The following RASGEF1C variants were observed in gnomAD, a reference collection of about 807,000 sequenced individuals.
The protein encoded by RASGEF1C is ras-GEF domain-containing family member 1C.
In RASGEF1C, 27 loss-of-function variants were observed where a neutral mutation model predicts 58.1. The observed-to-expected ratio is 0.46, with a 90% CI of 0.34 to 0.64. The LOEUF is 0.64. RASGEF1C is among the 30% of genes least tolerant of loss of function. RASGEF1C has a pLI of 0.01. For missense variants in RASGEF1C, 502 were observed against 605.1 expected (o/e 0.83, Z 1.79); for synonymous variants, 243 against 246.3 (o/e 0.99, Z 0.13).
At chr5:180,145,861 G>A (rs752355008) in intron 1 of RASGEF1C, among the ~76,000 whole-genome samples, 1 of 152,156 alleles carries the variant, frequency 6.6e-6, no homozygotes, top group Non-Finnish European at 1.5e-5. Flanking sequence ...AGCCCCAAGA[G>A]TCCTCTTTTA....
chr5:180,137,994 G>A lies in RASGEF1C; in HGVS notation c.59C>T (p.Pro20Leu), dbSNP rs1482955128. The change falls in exon 2 of 14, where the codon CCC (proline) becomes CTC (leucine). Residue 20 changes from proline (P) to leucine (L), a missense_variant. Pro to Leu is a moderately conservative substitution (Grantham distance 98). Coordinates refer to ENST00000361132, the MANE Select transcript of RASGEF1C (RefSeq NM_175062.4). This position sits in a 1 kb window ranked among gnomAD's most constrained non-coding sequence, Gnocchi z 4.1. ...MVTPGSLSPPPTEPTDGEQAG... is the reference protein window; with the variant it reads ...MVTPGSLSPPLTEPTDGEQAG... The stretch of plus-strand genomic sequence containing the variant: ...CTGTTCGCCATCTGTGGGCTCGGTG[G>A]GGGGTGGGCTGAGGCTGCCTGGGGT... The A allele has an allele frequency of 1.3e-6, 2 of 1,581,674 alleles. No individual in the cohort carries two copies. The highest frequency in any genetic ancestry group is 2.0e-5 in the Admixed American group (1 of 50,858).
chr5:180,163,050 A>G (rs1268879039), intron 1 of RASGEF1C, among the ~76,000 whole-genome samples: 1 of 152,164 alleles, frequency 6.6e-6, no homozygotes, highest in Non-Finnish European at 1.5e-5. Context: ...TAGCTAGCAC[A>G]GAGAAATACA....
chr5:180,196,170 C>A (rs1345829545), intron 1 of RASGEF1C, among the ~76,000 whole-genome samples: 1 of 150,358 alleles, frequency 6.7e-6, no homozygotes, highest in Non-Finnish European at 1.5e-5. Flanking sequence ...GTTTGGGAAG[C>A]CTATTAATGA....
At chr5:180,164,918 G>A (rs535935902) in intron 1 of RASGEF1C, among the ~76,000 whole-genome samples, 45 of 152,234 alleles carry the variant, frequency 3.0e-4, no homozygotes, top group African/African-American at 9.9e-4. Flanking sequence ...AGTTCTGTCC[G>A]TTTTGCTTCA....
intron 6 of RASGEF1C, among the ~76,000 whole-genome samples, chr5:180,121,488 T>C (rs1766172137): frequency 6.6e-6 from 1 of 152,144 alleles, no homozygotes; most frequent in South Asian, 2.1e-4. Flanking sequence ...GAATTTTTTG[T>C]ATTTTTAGTG....
At chr5:180,192,517 GT>G (rs2127563020) in intron 1 of RASGEF1C, among the ~76,000 whole-genome samples, 1 of 151,846 alleles carries the variant, frequency 6.6e-6, no homozygotes, top group Admixed American at 6.6e-5. Context: ...ACATTTAAAT[GT>G]TTTTCAACTG....
intron 1 of RASGEF1C, among the ~76,000 whole-genome samples, chr5:180,176,049 G>A (rs1239132812): frequency 6.6e-6 from 1 of 152,240 alleles, no homozygotes; most frequent in Non-Finnish European, 1.5e-5. Context: ...TGACAATGCT[G>A]CATTACTGTG....
At chr5:180,195,557 A>G (rs554638221) in intron 1 of RASGEF1C, among the ~76,000 whole-genome samples, 8 of 152,154 alleles carry the variant, frequency 5.3e-5, no homozygotes, top group South Asian at 2.1e-4. Flanking sequence ...TCAGGAGATC[A>G]AGACCAGCCT....
intron 11 of RASGEF1C, among the ~76,000 whole-genome samples, chr5:180,113,345 G>A (rs1424501053): frequency 5.7e-5 from 2 of 34,992 alleles, no homozygotes; most frequent in Middle Eastern, 0.019. Context: ...GGAGGGACCG[G>A]GGATGGACTG....
At chr5:180,114,601 C>G in intron 10 of RASGEF1C, 60 bp from the exon 11 acceptor site, 9 of 1,513,572 alleles carry the variant, frequency 5.9e-6, no homozygotes, top group Non-Finnish European at 7.2e-6. Context: ...GGCTCCAGGA[C>G]GGGGGGCAGC....
intron 1 of RASGEF1C, among the ~76,000 whole-genome samples, chr5:180,146,573 T>A (rs1324198869): frequency 6.6e-6 from 1 of 152,132 alleles, no homozygotes; most frequent in Non-Finnish European, 1.5e-5. Context: ...TCAATTGAAA[T>A]GATCATGTGT....
chr5:180,136,796 C>T (rs1766487089), intron 3 of RASGEF1C: 2 of 472,496 alleles, frequency 4.2e-6, no homozygotes, highest in East Asian at 3.9e-5. Context: ...GGGGAGTCCT[C>T]AGAGCAGGGG....
At chr5:180,154,094 T>C (rs1766811156) in intron 1 of RASGEF1C, among the ~76,000 whole-genome samples, 3 of 152,174 alleles carry the variant, frequency 2.0e-5, no homozygotes, top group South Asian at 2.1e-4. Flanking sequence ...GTTTTACTTC[T>C]CTCTGTGAAG....
chr5:180,186,102 A>G (rs1474478304), intron 1 of RASGEF1C, among the ~76,000 whole-genome samples: 9 of 13,952 alleles, frequency 6.5e-4, no homozygotes, highest in Non-Finnish European at 1.3e-3. Flanking sequence ...ATCTCCACAG[A>G]AAAAAAAAAA....
intron 11 of RASGEF1C, among the ~76,000 whole-genome samples, chr5:180,113,335 G>A (rs1766000788): frequency 4.3e-5 from 2 of 46,578 alleles, no homozygotes; most frequent in East Asian, 6.6e-4. Context: ...GGGGATGGAC[G>A]GAGGGACCGG....
intron 1 of RASGEF1C, among the ~76,000 whole-genome samples, chr5:180,208,107 G>A (rs568889732): frequency 6.6e-6 from 1 of 152,214 alleles, no homozygotes; most frequent in Non-Finnish European, 1.5e-5. Flanking sequence ...CACAGTGGCT[G>A]CACTATGGCT....
chr5:180,136,774 G>A lies in RASGEF1C; in HGVS notation c.301-259C>T, dbSNP rs1490868827. ...TCCATCCTCCCTGGTGAGTCTTCGC[G>A]CTGCGGGGAGTGGGGAGTCCTCAGA... On this transcript the variant is annotated intron_variant, in intron 3 of 13. Coordinates refer to ENST00000361132, the MANE Select transcript of RASGEF1C (RefSeq NM_175062.4). 2.3e-4 allele frequency: 114 copies of A among 497,282 alleles called. 1 individual carries two copies. In the South Asian group the frequency reaches 2.8e-3, roughly 12 times the overall value. The allele number at this position is 497,282 out of a possible 1,614,324, so 30.8% of individuals were successfully genotyped here.
chr5:180,120,122 T>C (rs1231634067), intron 7 of RASGEF1C, among the ~76,000 whole-genome samples: 1 of 152,116 alleles, frequency 6.6e-6, no homozygotes, highest in Non-Finnish European at 1.5e-5. Flanking sequence ...CACAGGTCGG[T>C]GTTGCTTGCC....
At position 180,137,727 on chromosome 5, in the gene RASGEF1C, A is replaced by G. The variant is rs775763094; in HGVS notation, c.178-15T>C. 7 of 1,612,618 alleles carry G rather than the reference A, an allele frequency of 4.3e-6. No individual in the cohort carries two copies. The highest frequency in any genetic ancestry group is 1.3e-5 in the African/African-American group (1 of 74,896). On this transcript the variant is annotated splice_polypyrimidine_tract_variant and intron_variant, in intron 2 of 13. Transcript: ENST00000361132. This position sits in a 1 kb window ranked among gnomAD's most constrained non-coding sequence, Gnocchi z 4.1. ...ATGTAGGCTTTCTGGGGGACACACG[A>G]GAAAGAGGGCACAGGCTCAGGAGGG...
Sources: allele counts gnomAD v4.1 joint callset (sites outside exome capture counted in the v4.1 genomes callset), GRCh38; gene constraint gnomAD v4.1.1; non-coding constraint Gnocchi (gnomAD v3.1); transcripts MANE v1.5; gene names NCBI Gene and HGNC (gene_info 2026-07-23, HGNC 2026-07-21).